CDCP2: variants seen among roughly 807,000 people sequenced by gnomAD.
CDCP2 encodes CUB domain containing protein 2.
A neutral mutation model predicts 31.0 loss-of-function variants in CDCP2; 31 were observed. That is an observed-to-expected ratio of 1.00 (90% CI 0.75 to 1.35). The LOEUF is 1.35. Ranked by LOEUF, CDCP2 falls within the 40% of genes most tolerant of loss-of-function variation. The probability of loss-of-function intolerance (pLI) is 0.00; values close to 1 mark genes in which losing one functional copy is unlikely to be tolerated. For synonymous variants in CDCP2, 206 were observed against 207.9 expected (o/e 0.99, Z 0.08); for missense variants, 443 against 482.6 (o/e 0.92, Z 0.77).
rs185623545 is a variant in CDCP2, at chr1:54,148,168, A to C, written c.80-3355T>G. Among the ~76,000 whole-genome samples, 11 of 151,896 alleles carry C rather than the reference A, an allele frequency of 7.2e-5. 1 individual carries two copies. Among genetic ancestry groups the C allele is most frequent in the African/African-American group, 2.7e-4 (11 of 41,210 alleles). Reference sequence around the variant, plus strand: ...TTGGTTATACAGGCATTCCCTGTAAAATTCTTTCAACTTTGCTAAATGTTT... The same window carrying C: ...TTGGTTATACAGGCATTCCCTGTAACATTCTTTCAACTTTGCTAAATGTTT... On this transcript the variant is annotated intron_variant, in intron 1 of 5. Coordinates refer to ENST00000530059, the Ensembl canonical transcript of CDCP2.
chr1:54,141,288 C>G lies in CDCP2; in HGVS notation c.573G>C (p.Gln191His), dbSNP rs1326193465. ...AGGTGCACTCTTCATTGCCCTCCAC[C>G]TGGAAGTCCACGAACACCAGCTTGA... Residue 191 changes from glutamine to histidine, a missense_variant, in exon 3 of 6, where the codon CAG becomes CAC. Physicochemically the swap from Gln to His is conservative, Grantham distance 24 (BLOSUM62 0). Coordinates refer to ENST00000530059, the Ensembl canonical transcript of CDCP2. The G allele has an allele frequency of 1.9e-6, 3 of 1,614,240 alleles. No homozygotes were observed. In the South Asian group the frequency reaches 3.3e-5, roughly 18 times the overall value.
At chr1:54,148,994 A>G (rs998944609) in intron 1 of CDCP2, among the ~76,000 whole-genome samples, 1 of 147,330 alleles carries the variant, frequency 6.8e-6, no homozygotes, top group African/African-American at 2.5e-5. Flanking sequence ...TATATAATAT[A>G]TAATATATTT....
chr1:54,148,974 A>AAAT lies in CDCP2; in HGVS notation c.79+3869_79+3870insATT, dbSNP rs1553174439. ...GAACAAATGAATTGTTTAAAAAAAA[A>AAAT]ATATATATATATATAATATATAATA... On this transcript the variant is annotated intron_variant, in intron 1 of 5. Coordinates refer to ENST00000530059, the Ensembl canonical transcript of CDCP2. Among the ~76,000 whole-genome samples the AAAT allele has an allele frequency of 1.4e-3, 212 of 146,284 alleles. 2 individuals carry two copies. Among genetic ancestry groups the AAAT allele is most frequent in the African/African-American group, 3.8e-3 (151 of 39,796 alleles).
intron 5 of CDCP2, among the ~76,000 whole-genome samples, 174 bp from the exon 6 acceptor site, chr1:54,133,468 T>C (rs901550359): frequency 7.2e-5 from 11 of 152,212 alleles, no homozygotes; most frequent in Non-Finnish European, 1.5e-4. Flanking sequence ...AGGTAAGCTG[T>C]CTGGAAGGAC....
rs145224579 is a variant in CDCP2, at chr1:54,139,389, A to AT, written c.1117+363dup. The AT allele has an allele frequency of 6.0e-3, 4,236 of 707,328 alleles. 129 individuals carry two copies. In the African/African-American group the frequency reaches 0.066, roughly 11 times the overall value. The allele number at this position is 707,328 out of a possible 1,614,324, so 43.8% of individuals were successfully genotyped here. On this transcript the variant is annotated intron_variant, in intron 4 of 5. Coordinates refer to ENST00000530059, the Ensembl canonical transcript of CDCP2. Reference sequence around the variant, plus strand: ...GGTAGACATCCCCACAGTTATACCAATTTTTTTGCCATAAACAATATTACC... The same window carrying AT: ...GGTAGACATCCCCACAGTTATACCAATTTTTTTTGCCATAAACAATATTACC...
chr1:54,133,760 A>G (rs948508627), intron 5 of CDCP2, among the ~76,000 whole-genome samples: 29 of 151,770 alleles, frequency 1.9e-4, no homozygotes, highest in East Asian at 3.9e-4. Context: ...GCCGGGCGTG[A>G]TGGTGTGCGC....
At chr1:54,132,983 G>T in exon 6 of CDCP2, 1 of 398,962 alleles carries the variant, frequency 2.5e-6, no homozygotes, top group South Asian at 1.3e-4. Flanking sequence ...GCAGCATCAA[G>T]ACCACGATGG....
In CDCP2 at chr1:54,144,476, G is replaced by A. The variant is rs748243236; in HGVS notation, c.417C>T (p.Gly139=). ...AGGCCCCCCGTTGACCTTTCTGGTA[G>A]CCCGCAGAAAAGCCATGGCTGGCCA... The change falls in exon 2 of 6, where the codon GGC becomes GGT. Residue 139 remains glycine, a synonymous_variant. Transcript: ENST00000530059. 6.4e-6 allele frequency: 10 copies of A among 1,573,576 alleles called. No individual in the cohort carries two copies. In the East Asian group the frequency reaches 1.8e-4, roughly 28 times the overall value.
intron 1 of CDCP2, 57 bp from the exon 2 acceptor site, chr1:54,144,870 G>T (rs1194219306): frequency 7.3e-7 from 1 of 1,371,938 alleles, no homozygotes; most frequent in East Asian, 2.5e-5. Context: ...GGTACATGTG[G>T]TAAGGGCAGT....
intron 1 of CDCP2, among the ~76,000 whole-genome samples, chr1:54,150,323 G>A (rs1269242586): frequency 1.3e-5 from 2 of 152,202 alleles, no homozygotes; most frequent in Non-Finnish European, 2.9e-5. Flanking sequence ...GGCCAGGCGT[G>A]GTGGTTCAGG....
At chr1:54,140,101 A>T (rs1659338413) in exon 4 of CDCP2, 1 of 1,612,704 alleles carries the variant, frequency 6.2e-7, no homozygotes. Context: ...ACCTCCTGGC[A>T]TTCTCCTGGA....
intron 2 of CDCP2, chr1:54,141,842 G>A (rs1481562610): frequency 1.2e-5 from 2 of 168,548 alleles, no homozygotes; most frequent in Non-Finnish European, 2.6e-5. Flanking sequence ...AAGGGGAGGT[G>A]TGTTCAAGTC....
chr1:54,152,158 G>C (rs563589134), intron 1 of CDCP2, among the ~76,000 whole-genome samples: 2 of 152,190 alleles, frequency 1.3e-5, no homozygotes, highest in East Asian at 3.9e-4. Flanking sequence ...GTCTCGGGAG[G>C]AGAATAAAGA....
chr1:54,136,748 G>A (rs550755847), exon 5 of CDCP2: 8 of 399,156 alleles, frequency 2.0e-5, no homozygotes, highest in African/African-American at 4.1e-5. Flanking sequence ...CGGGGCCAGC[G>A]CCTGCGTGGA....
At chr1:54,139,622 A>G (rs1050050813) in intron 4 of CDCP2, 131 bp downstream of exon 4, 3 of 1,592,796 alleles carry the variant, frequency 1.9e-6, no homozygotes, top group Non-Finnish European at 1.7e-6. Context: ...GCCAATGGAG[A>G]AGGAGCTGGA....
chr1:54,149,784 G>A (rs961473748), intron 1 of CDCP2, among the ~76,000 whole-genome samples: 6 of 152,180 alleles, frequency 3.9e-5, no homozygotes, highest in Non-Finnish European at 8.8e-5. Flanking sequence ...AGCAGTACCT[G>A]GCACAAAGCT....
At position 54,144,400 on chromosome 1, in the gene CDCP2, G is replaced by T. The variant is rs971053126; in HGVS notation, c.427+66C>A. On this transcript the variant is annotated intron_variant, in intron 2 of 5. Transcript: ENST00000530059. ...GGGATCAAGTAATCCTCCCACTTTG[G>T]CTTGCCAAAGCACCAGGATTACAGG... The T allele has an allele frequency of 1.1e-5, 15 of 1,410,488 alleles. No homozygotes were observed. In the African/African-American group the frequency reaches 1.4e-4, roughly 14 times the overall value. 87.4% of individuals were successfully genotyped at this position (1,410,488 alleles called of 1,614,324 possible). A position where few individuals can be genotyped will look rare whatever the true frequency, so the allele number is the denominator to read the frequency against.
chr1:54,133,062 A>T, exon 6 of CDCP2: 2 of 399,124 alleles, frequency 5.0e-6, no homozygotes, highest in Non-Finnish European at 8.8e-6. Context: ...ATCCTGGGCC[A>T]CCATGCTCAC....
At chr1:54,134,196 TCCTGCCTC>T (rs1292376285) in intron 5 of CDCP2, among the ~76,000 whole-genome samples, 1 of 152,252 alleles carries the variant, frequency 6.6e-6, no homozygotes, top group Non-Finnish European at 1.5e-5. Context: ...AAGCCAAGTC[TCCTGCCTC>T]CACCTTAGGA....
Sources: allele counts gnomAD v4.1 joint callset (sites outside exome capture counted in the v4.1 genomes callset), GRCh38; gene constraint gnomAD v4.1.1; transcripts MANE v1.5; gene names NCBI Gene and HGNC (gene_info 2026-07-23, HGNC 2026-07-21).